Variants in MSI1 observed in about 807,000 individuals in gnomAD.
The protein encoded by MSI1 is musashi RNA binding protein 1.
In MSI1, 15 loss-of-function variants were observed where a neutral mutation model predicts 54.4. The observed-to-expected ratio is 0.28, with a 90% CI of 0.18 to 0.42. MSI1 has a LOEUF of 0.42. Among genes scored for constraint, MSI1 ranks in the 20% least tolerant of loss-of-function variants. The pLI is 1.00. For missense variants in MSI1, 304 were observed against 506.0 expected (o/e 0.60, Z 3.83); for synonymous variants, 200 against 196.5 (o/e 1.02, Z -0.15).
chr12:120,366,209 G>T (rs1007836864), intron 4 of MSI1, among the ~76,000 whole-genome samples: 1 of 152,160 alleles, frequency 6.6e-6, no homozygotes, highest in Admixed American at 6.5e-5. Flanking sequence ...TTTTCCCAAA[G>T]TTCCTTCTGT....
At chr12:120,357,428 T>A (rs907864736) in intron 8 of MSI1, among the ~76,000 whole-genome samples, 1 of 152,210 alleles carries the variant, frequency 6.6e-6, no homozygotes, top group African/African-American at 2.4e-5. Context: ...ATAGCTTCCC[T>A]GGCAGGCCCC....
rs970647140 is a variant in MSI1 at position 120,342,842 on chromosome 12, G to A, written c.*285C>T. The A allele has an allele frequency of 6.7e-6, 1 of 149,508 alleles. No individual in the cohort carries two copies. Among genetic ancestry groups the A allele is most frequent in the African/African-American group, 2.5e-5 (1 of 40,442 alleles). 9.3% of individuals were successfully genotyped at this position (149,508 alleles called of 1,614,324 possible). On this transcript the variant is annotated 3_prime_UTR_variant, in exon 15 of 15. Transcript: ENST00000257552. ...GAGGGAGGGATGGACCAGAGGGCTG[G>A]GGTGGGCAACCGGCTAATCCAAAAT...
chr12:120,360,777 A>G (rs1232864259), intron 6 of MSI1, among the ~76,000 whole-genome samples: 1 of 151,520 alleles, frequency 6.6e-6, no homozygotes, highest in African/African-American at 2.4e-5. Context: ...TCTGTGAAAT[A>G]GGCATAACAG....
Position 120,348,045 on chromosome 12 carries a change from G to A in MSI1, c.791-531C>T, listed in dbSNP as rs573617924. ...GCTGGGCTCACACCGAGGCCATAGC[G>A]TTGCACCGCACCTTCTGCTGCCTGT... On this transcript the variant is annotated intron_variant, in intron 11 of 14. Transcript: ENST00000257552. Among the ~76,000 whole-genome samples the A allele has an allele frequency of 2.1e-3, 324 of 152,196 alleles. 1 individual carries two copies. The highest frequency in any genetic ancestry group is 4.0e-3 in the Non-Finnish European group (269 of 67,986).
rs1482211184 is a variant in MSI1 at position 120,341,418 on chromosome 12, G to A, written c.*1709C>T. The A allele has an allele frequency of 6.6e-6, 1 of 152,148 alleles. No individual in the cohort carries two copies. Among genetic ancestry groups the A allele is most frequent in the Non-Finnish European group, 1.5e-5 (1 of 67,976 alleles). The allele number at this position is 152,148 out of a possible 1,614,324, so 9.4% of individuals were successfully genotyped here. A position where few individuals can be genotyped will look rare whatever the true frequency, so the allele number is the denominator to read the frequency against. ...AGATGTGGAGAGAAGAGACACCGGAGGATGGTAACTTGCTGGCTTCGAAAC... is the reference window on the plus strand; with the variant it reads ...AGATGTGGAGAGAAGAGACACCGGAAGATGGTAACTTGCTGGCTTCGAAAC... On this transcript the variant is annotated 3_prime_UTR_variant, in exon 15 of 15. Transcript: ENST00000257552.
At chr12:120,340,519 C>CA (rs1555211878), downstream of MSI1, among the ~76,000 whole-genome samples, 1 of 151,124 alleles carries the variant, frequency 6.6e-6, no homozygotes, top group Non-Finnish European at 1.5e-5. Flanking sequence ...TCTCTCTCTT[C>CA]TTTTTTTTTG....
Position 120,368,914 on chromosome 12 carries a change from C to A in MSI1, c.60-41G>T. On this transcript the variant is annotated intron_variant, in intron 1 of 14. Coordinates refer to ENST00000257552, the MANE Select transcript of MSI1 (RefSeq NM_002442.4). The surrounding 1 kb of genome is among the most constrained non-coding windows in gnomAD (Gnocchi z 6.6). Reference sequence around the variant, plus strand: ...AGACACAAAGGGCCCGCGTGAGCGCCGGGCGCCAGGGCGCAGGGGGCGCGG... The same window carrying A: ...AGACACAAAGGGCCCGCGTGAGCGCAGGGCGCCAGGGCGCAGGGGGCGCGG... 1 of 1,352,024 alleles carries A rather than the reference C, an allele frequency of 7.4e-7. No individual in the cohort carries two copies. The highest frequency in any genetic ancestry group is 1.6e-5 in the South Asian group (1 of 62,362). 83.8% of individuals were successfully genotyped at this position (1,352,024 alleles called of 1,614,324 possible).
intron 11 of MSI1, among the ~76,000 whole-genome samples, chr12:120,348,893 C>CA (rs951238394): frequency 7.3e-5 from 11 of 150,824 alleles, no homozygotes; most frequent in Admixed American, 2.7e-4. Context: ...AACTTCATCT[C>CA]AAAAAAAATA....
intron 8 of MSI1, 91 bp downstream of exon 8, chr12:120,357,725 C>T: frequency 1.5e-6 from 2 of 1,294,632 alleles, no homozygotes; most frequent in South Asian, 2.5e-5. Context: ...AATCTGGTCT[C>T]AAACTCCTGA....
chr12:120,343,472 C>T (rs1271302342), intron 14 of MSI1, among the ~76,000 whole-genome samples: 1 of 152,154 alleles, frequency 6.6e-6, no homozygotes, highest in Non-Finnish European at 1.5e-5. Flanking sequence ...CATCCTCCTG[C>T]CTTGGCCTCC....
chr12:120,340,283 C>T (rs1481015331), downstream of MSI1, among the ~76,000 whole-genome samples: 1 of 152,104 alleles, frequency 6.6e-6, no homozygotes, highest in African/African-American at 2.4e-5. Context: ...GACGGGGTTT[C>T]ATGTTGCACA....
intron 6 of MSI1, among the ~76,000 whole-genome samples, chr12:120,361,021 C>T (rs888457192): frequency 6.6e-6 from 1 of 151,934 alleles, no homozygotes; most frequent in East Asian, 1.9e-4. Context: ...ATAGTAAGTG[C>T]CTAATAAATA....
At chr12:120,363,210 C>T in intron 5 of MSI1, 75 bp from the exon 6 acceptor site, 1 of 1,297,644 alleles carries the variant, frequency 7.7e-7, no homozygotes, top group Middle Eastern at 2.4e-4. Flanking sequence ...CTCGAGCCCC[C>T]CTGCCAGGAT....
chr12:120,347,340 A>G lies in MSI1; in HGVS notation c.859+106T>C, dbSNP rs1324369935. On this transcript the variant is annotated intron_variant, in intron 12 of 14. Coordinates refer to ENST00000257552, the MANE Select transcript of MSI1 (RefSeq NM_002442.4). Reference sequence around the variant, plus strand: ...AATCAGGTGATACTTGAGTGAATGAACAAGTGTCCCTCTGCAAAGGGGTGG... The same window carrying G: ...AATCAGGTGATACTTGAGTGAATGAGCAAGTGTCCCTCTGCAAAGGGGTGG... The G allele has an allele frequency of 7.8e-5, 101 of 1,299,532 alleles. 1 individual carries two copies. The East Asian group carries it at 2.1e-3, about 28-fold the overall frequency. 80.5% of individuals were successfully genotyped at this position (1,299,532 alleles called of 1,614,324 possible).
intron 5 of MSI1, among the ~76,000 whole-genome samples, chr12:120,363,637 G>T (rs1012232798): frequency 1.3e-5 from 2 of 152,174 alleles, no homozygotes; most frequent in Non-Finnish European, 2.9e-5. Context: ...TGGCTAATCC[G>T]CGGCAATTCC....
intron 11 of MSI1, among the ~76,000 whole-genome samples, chr12:120,349,721 C>T (rs1874435283): frequency 6.6e-6 from 1 of 152,226 alleles, no homozygotes; most frequent in Admixed American, 6.5e-5. Context: ...AAGTTCAGAT[C>T]CTAGGTGCCC....
intron 6 of MSI1, among the ~76,000 whole-genome samples, chr12:120,359,730 G>C (rs562602824): frequency 8.5e-4 from 130 of 152,148 alleles, no homozygotes; most frequent in African/African-American, 3.0e-3. Context: ...GGTCACCAAA[G>C]GCCTTGGTGC....
Position 120,368,898 on chromosome 12 carries a change from G to A in MSI1, c.60-25C>T. 7.1e-7 allele frequency: 1 copy of A among 1,404,008 alleles called. No homozygotes were observed. The highest frequency in any genetic ancestry group is 9.4e-7 in the Non-Finnish European group (1 of 1,063,190). The allele number at this position is 1,404,008 out of a possible 1,614,324, so 87.0% of individuals were successfully genotyped here. On this transcript the variant is annotated intron_variant, in intron 1 of 14. Transcript: ENST00000257552. This position sits in a 1 kb window ranked among gnomAD's most constrained non-coding sequence, Gnocchi z 6.6. ...GCTGCGGGAGGAGGAGAGACACAAA[G>A]GGCCCGCGTGAGCGCCGGGCGCCAG...
At chr12:120,346,049 G>A in intron 13 of MSI1, 86 bp downstream of exon 13, 1 of 1,228,598 alleles carries the variant, frequency 8.1e-7, no homozygotes, top group Non-Finnish European at 1.1e-6. Flanking sequence ...TGCCCCCAGA[G>A]ACAAAGAAGT....
Sources: gnomAD v4.1 joint callset for allele counts (sites outside exome capture counted in the v4.1 genomes callset) on GRCh38, gnomAD v4.1.1 for gene constraint, Gnocchi (gnomAD v3.1) non-coding constraint, MANE v1.5 for transcripts, NCBI Gene and HGNC (gene_info 2026-07-23, HGNC 2026-07-21) for gene names.